Variants in SCAF4 observed in about 807,000 individuals in gnomAD.
The protein encoded by SCAF4 is SR-related CTD associated factor 4, also known as SR-related and CTD-associated factor 4.
SCAF4 carries 25 observed loss-of-function variants against 129.8 expected under a neutral mutation model. The ratio of observed to expected loss-of-function variants is 0.19; its 90% CI spans 0.14 to 0.27. The LOEUF (loss-of-function observed/expected upper bound fraction) is 0.27, where lower values mean the gene tolerates loss of function less well. Ranked by LOEUF, SCAF4 falls within the 10% of genes least tolerant of loss-of-function variation. The pLI, the probability that SCAF4 is intolerant of heterozygous loss-of-function variation, is 1.00. For synonymous variants in SCAF4, 551 were observed against 497.7 expected (o/e 1.11, Z -1.43); for missense variants, 1,246 against 1,457.1 (o/e 0.86, Z 2.36).
intron 13 of SCAF4, chr21:31,692,145 C>G: frequency 1.7e-6 from 1 of 590,782 alleles, no homozygotes; most frequent in Non-Finnish European, 3.0e-6. Flanking sequence ...TGAAATTAAA[C>G]TTGGTTATCC....
chr21:31,681,353 CACAA>C (rs1264374720), intron 19 of SCAF4, among the ~76,000 whole-genome samples: 2 of 152,170 alleles, frequency 1.3e-5, no homozygotes, highest in Non-Finnish European at 2.9e-5. Context: ...AGATAGGTAA[CACAA>C]ACAAACATTT....
chr21:31,711,200 A>C (rs1033559550), intron 1 of SCAF4, among the ~76,000 whole-genome samples: 1 of 152,238 alleles, frequency 6.6e-6, no homozygotes, highest in South Asian at 2.1e-4. Flanking sequence ...ATTTACGAAG[A>C]AAAACACTAC....
chr21:31,712,002 T>C (rs1047069007), intron 1 of SCAF4, among the ~76,000 whole-genome samples: 1 of 152,142 alleles, frequency 6.6e-6, no homozygotes, highest in Non-Finnish European at 1.5e-5. Flanking sequence ...AAAATACTGA[T>C]CAAATTTCAA....
intron 1 of SCAF4, among the ~76,000 whole-genome samples, chr21:31,718,110 A>AT (rs567173462): frequency 2.8e-3 from 424 of 151,898 alleles, no homozygotes; most frequent in Middle Eastern, 0.017. Context: ...CACCTGGCTA[A>AT]TTTTTTTGTA....
At chr21:31,691,324 G>C (rs2050254516) in intron 14 of SCAF4, among the ~76,000 whole-genome samples, 1 of 152,182 alleles carries the variant, frequency 6.6e-6, no homozygotes, top group Admixed American at 6.5e-5. Context: ...CTTAACATCA[G>C]ACAAAATCTT....
intron 1 of SCAF4, among the ~76,000 whole-genome samples, chr21:31,720,731 G>A (rs1379190659): frequency 6.6e-6 from 1 of 152,176 alleles, no homozygotes; most frequent in Admixed American, 6.5e-5. Context: ...GCCAGCACCT[G>A]GTTATTTAAT....
Position 31,693,481 on chromosome 21 carries a change from T to G in SCAF4, c.1326A>C (p.Ser442=), listed in dbSNP as rs2050309349. The G allele has an allele frequency of 2.0e-6, 3 of 1,475,030 alleles. No individual in the cohort carries two copies. Among genetic ancestry groups the G allele is most frequent in the Non-Finnish European group, 2.7e-6 (3 of 1,094,396 alleles). 91.4% of individuals were successfully genotyped at this position (1,475,030 alleles called of 1,614,324 possible). Residue 442 remains serine, a synonymous_variant, in exon 12 of 20, where the codon TCA becomes TCC. Transcript: ENST00000286835. ...CAGATCTAGATCGCCTCCTTTTTGG[T>G]GACCTAATGTTTTCAAGAGAAGGGA... The part of the protein sequence containing the change: ...RKSRSRSASR[S]PKRRRSRSGS...
intron 1 of SCAF4, among the ~76,000 whole-genome samples, chr21:31,711,339 CA>C (rs2050794569): frequency 6.6e-6 from 1 of 152,152 alleles, no homozygotes; most frequent in Admixed American, 6.5e-5. Context: ...TTTTGCAAGA[CA>C]AAAAAGTTCC....
At chr21:31,719,895 C>T (rs756363837) in intron 1 of SCAF4, among the ~76,000 whole-genome samples, 1 of 152,214 alleles carries the variant, frequency 6.6e-6, no homozygotes, top group Non-Finnish European at 1.5e-5. Context: ...GGCTGTATAC[C>T]TCACCAGGGT....
chr21:31,694,803 A>G lies in SCAF4; in HGVS notation c.1236+10T>C, dbSNP rs770278263. The G allele has an allele frequency of 1.2e-6, 2 of 1,613,464 alleles. No individual in the cohort carries two copies. The highest frequency in any genetic ancestry group is 8.5e-7 in the Non-Finnish European group (1 of 1,179,390). Reference sequence around the variant, plus strand: ...AAAAAAGATAAAACTATCTGAGAATAAAGTTTTACCTGCTGATGCGGCTTC... The same window carrying G: ...AAAAAAGATAAAACTATCTGAGAATGAAGTTTTACCTGCTGATGCGGCTTC... On this transcript the variant is annotated intron_variant, in intron 10 of 19. Coordinates refer to ENST00000286835, the MANE Select transcript of SCAF4 (RefSeq NM_020706.2).
At chr21:31,678,490 T>C (rs2049917863) in intron 19 of SCAF4, among the ~76,000 whole-genome samples, 1 of 149,856 alleles carries the variant, frequency 6.7e-6, no homozygotes, top group African/African-American at 2.4e-5. Context: ...ACTTCTAGAG[T>C]CTGTTTCTCT....
chr21:31,710,069 C>T (rs1220580823), intron 1 of SCAF4, among the ~76,000 whole-genome samples: 2 of 152,194 alleles, frequency 1.3e-5, no homozygotes, highest in Admixed American at 6.5e-5. Context: ...CTGTGCCTGC[C>T]TGTATATTGT....
intron 1 of SCAF4, among the ~76,000 whole-genome samples, chr21:31,731,392 T>A (rs1042315343): frequency 6.6e-6 from 1 of 152,138 alleles, no homozygotes; most frequent in Non-Finnish European, 1.5e-5. Context: ...AGGCACAGAC[T>A]TGGGCTATGG....
chr21:31,724,057 CTA>C (rs1883062065), intron 1 of SCAF4, among the ~76,000 whole-genome samples: 1 of 152,130 alleles, frequency 6.6e-6, no homozygotes, highest in Admixed American at 6.5e-5. Context: ...ACTTACTTAT[CTA>C]TGTCTTAAAA....
intron 7 of SCAF4, 77 bp downstream of exon 7, chr21:31,700,918 G>A (rs776347662): frequency 1.2e-5 from 17 of 1,395,544 alleles, no homozygotes; most frequent in Admixed American, 5.1e-5. Context: ...TCCACAGAAG[G>A]GATACAGAAG....
At chr21:31,709,762 C>G (rs1243466112) in intron 1 of SCAF4, among the ~76,000 whole-genome samples, 2 of 151,244 alleles carry the variant, frequency 1.3e-5, no homozygotes, top group African/African-American at 4.9e-5. Flanking sequence ...GAGTGCTTTA[C>G]CAGGCAGCAA....
At chr21:31,704,028 T>C (rs1328311137) in intron 3 of SCAF4, 102 bp from the exon 4 acceptor site, 11 of 659,218 alleles carry the variant, frequency 1.7e-5, no homozygotes, top group Admixed American at 1.3e-4. Context: ...CATCCAATGA[T>C]TGCTTTTGTT....
At chr21:31,700,721 C>A in intron 7 of SCAF4, 1 of 428,078 alleles carries the variant, frequency 2.3e-6, no homozygotes, top group Non-Finnish European at 4.2e-6. Context: ...TTTTCTGTTT[C>A]CTTTACTCCC....
At chr21:31,703,736 A>G in intron 4 of SCAF4, 29 bp downstream of exon 4, 2 of 1,197,704 alleles carry the variant, frequency 1.7e-6, no homozygotes, top group Non-Finnish European at 2.4e-6. Flanking sequence ...TTTAAAGAAT[A>G]CAAGTTTTAG....
Sources: gnomAD v4.1 joint callset for allele counts (sites outside exome capture counted in the v4.1 genomes callset) on GRCh38, gnomAD v4.1.1 for gene constraint, MANE v1.5 for transcripts, NCBI Gene and HGNC (gene_info 2026-07-23, HGNC 2026-07-21) for gene names.